ANXA8: variants seen among roughly 807,000 people sequenced by gnomAD.
ANXA8 encodes VAC-beta.
A neutral mutation model predicts 26.8 loss-of-function variants in ANXA8; 9 were observed. The ratio of observed to expected loss-of-function variants is 0.34; its 90% confidence interval spans 0.20 to 0.59. ANXA8 has a LOEUF of 0.59. ANXA8 is among the 20% of genes least tolerant of loss of function. ANXA8 has a pLI of 0.84. For missense variants in ANXA8, 83 were observed against 238.5 expected (o/e 0.35, Z 4.29); for synonymous variants, 39 against 94.8 (o/e 0.41, Z 3.42).
the ANXA8 span, among the ~76,000 whole-genome samples, chr10:47,555,251 A>G: frequency 6.6e-6 from 1 of 151,696 alleles, no homozygotes; most frequent in Non-Finnish European, 1.5e-5. Flanking sequence ...TCCTTTCCCC[A>G]GCACCTAAGG....
chr10:47,658,911 G>A, the ANXA8 span, among the ~76,000 whole-genome samples: 63 of 146,446 alleles, frequency 4.3e-4, 2 homozygotes, highest in South Asian at 1.5e-3. Context: ...TTGCTCTGTC[G>A]CCCAGGCTGG....
At chr10:47,655,699 G>A in the ANXA8 span, among the ~76,000 whole-genome samples, 2 of 152,106 alleles carry the variant, frequency 1.3e-5, no homozygotes, top group East Asian at 1.9e-4. Context: ...CAAGTCTTTA[G>A]TGAACATCAG....
At chr10:47,645,438 T>C in the ANXA8 span, among the ~76,000 whole-genome samples, 1 of 148,184 alleles carries the variant, frequency 6.7e-6, no homozygotes, top group African/African-American at 2.6e-5. Context: ...CACCTCATAG[T>C]AGTCATATGG....
the ANXA8 span, among the ~76,000 whole-genome samples, chr10:47,521,651 C>T: frequency 6.8e-6 from 1 of 146,650 alleles, no homozygotes; most frequent in Non-Finnish European, 1.5e-5. Context: ...ATATTATTAC[C>T]CAGAATTACT....
chr10:47,947,550 G>C, the ANXA8 span, among the ~76,000 whole-genome samples: 6 of 150,476 alleles, frequency 4.0e-5, no homozygotes, highest in Non-Finnish European at 8.8e-5. Context: ...GGCCTGGGGG[G>C]AGATGATTAG....
chr10:47,947,750 C>T, the ANXA8 span, among the ~76,000 whole-genome samples: 1 of 150,588 alleles, frequency 6.6e-6, no homozygotes, highest in Non-Finnish European at 1.5e-5. Flanking sequence ...TGTGAGTCAA[C>T]TAAACCTCTT....
chr10:47,766,093 G>A, the ANXA8 span, among the ~76,000 whole-genome samples: 3 of 146,202 alleles, frequency 2.1e-5, no homozygotes, highest in Non-Finnish European at 3.0e-5. Context: ...CCTGGCAGCC[G>A]AGGGCCTCCA....
At chr10:47,694,135 G>C in the ANXA8 span, among the ~76,000 whole-genome samples, 1 of 151,648 alleles carries the variant, frequency 6.6e-6, no homozygotes, top group Non-Finnish European at 1.5e-5. Flanking sequence ...CATTCTCTCT[G>C]GTGGCTGTAA....
the ANXA8 span, among the ~76,000 whole-genome samples, chr10:47,966,391 C>T: frequency 6.6e-6 from 1 of 150,736 alleles, no homozygotes; most frequent in Non-Finnish European, 1.5e-5. Context: ...TGGCTTCCAG[C>T]TTTGGTGTAA....
the ANXA8 span, among the ~76,000 whole-genome samples, chr10:47,942,175 C>T: frequency 6.8e-6 from 1 of 146,456 alleles, no homozygotes; most frequent in Non-Finnish European, 1.5e-5. Flanking sequence ...TTTTTATATT[C>T]CTTAAATTTA....
At chr10:47,745,436 CAGAA>C in the ANXA8 span, among the ~76,000 whole-genome samples, 14 of 149,634 alleles carry the variant, frequency 9.4e-5, no homozygotes, top group African/African-American at 3.2e-4. Context: ...GACTAGAAAG[CAGAA>C]AGATGGTTTA....
chr10:47,679,871 T>C, the ANXA8 span, among the ~76,000 whole-genome samples: 12 of 152,042 alleles, frequency 7.9e-5, no homozygotes. Flanking sequence ...TGAACTGTGT[T>C]CGTGCCACTG....
the ANXA8 span, among the ~76,000 whole-genome samples, chr10:47,639,278 G>T: frequency 2.1e-5 from 3 of 144,710 alleles, no homozygotes; most frequent in Non-Finnish European, 4.5e-5. Context: ...GACCACAGGC[G>T]CCTGCTACCA....
At chr10:47,576,660 G>A in the ANXA8 span, among the ~76,000 whole-genome samples, 2 of 150,806 alleles carry the variant, frequency 1.3e-5, no homozygotes, top group African/African-American at 4.9e-5. Flanking sequence ...CAGGACTATA[G>A]CACATACCAC....
At chr10:47,709,604 G>A in the ANXA8 span, among the ~76,000 whole-genome samples, 1 of 141,288 alleles carries the variant, frequency 7.1e-6, no homozygotes, top group African/African-American at 2.9e-5. Context: ...TTACAATGTA[G>A]CACATGCTTA....
the ANXA8 span, among the ~76,000 whole-genome samples, chr10:47,515,828 C>T: frequency 1.7e-5 from 2 of 119,334 alleles, no homozygotes; most frequent in African/African-American, 6.3e-5. Context: ...AAATGAAAAG[C>T]TAGTCAGGCT....
chr10:47,764,135 C>T, the ANXA8 span, among the ~76,000 whole-genome samples: 1 of 150,692 alleles, frequency 6.6e-6, no homozygotes, highest in African/African-American at 2.4e-5. Flanking sequence ...CTGTCCTCAG[C>T]TGTGCGCTTA....
At chr10:47,723,182 CCT>C in the ANXA8 span, among the ~76,000 whole-genome samples, 1 of 75,396 alleles carries the variant, frequency 1.3e-5, no homozygotes, top group South Asian at 4.7e-4. Flanking sequence ...GTTTCTGCAC[CCT>C]GTTTTGTTTT....
chr10:47,614,028 T>C, the ANXA8 span, among the ~76,000 whole-genome samples: 2 of 74,412 alleles, frequency 2.7e-5, 1 homozygote, highest in Admixed American at 2.9e-4. Flanking sequence ...GATCCACTGC[T>C]TGTCTCAACT....
Sources: allele counts gnomAD v4.1 joint callset (sites outside exome capture counted in the v4.1 genomes callset), GRCh38; gene constraint gnomAD v4.1.1; transcripts MANE v1.5; gene names NCBI Gene and HGNC (gene_info 2026-07-23, HGNC 2026-07-21).